Variants in PTPRN2 observed in about 807,000 individuals in gnomAD.
The protein encoded by PTPRN2 is receptor-type tyrosine-protein phosphatase N2.
PTPRN2 carries 74 observed loss-of-function variants against 118.8 expected under a neutral mutation model. The ratio of observed to expected loss-of-function variants is 0.62; its 90% CI spans 0.52 to 0.76. PTPRN2 has a LOEUF of 0.76. PTPRN2 is among the 30% of genes least tolerant of loss of function. PTPRN2 has a pLI of 0.00. For synonymous variants in PTPRN2, 641 were observed against 608.0 expected (o/e 1.05, Z -0.80); for missense variants, 1,481 against 1,394.4 (o/e 1.06, Z -0.99).
intron 1 of PTPRN2, among the ~76,000 whole-genome samples, chr7:158,579,461 C>A (rs1400699849): frequency 6.6e-6 from 1 of 152,188 alleles, no homozygotes; most frequent in Non-Finnish European, 1.5e-5. Context: ...TCAGGTAATC[C>A]TCTCAAAAAC....
chr7:158,301,599 G>T (rs1316784107), intron 3 of PTPRN2, among the ~76,000 whole-genome samples: 1 of 152,194 alleles, frequency 6.6e-6, no homozygotes, highest in South Asian at 2.1e-4. Flanking sequence ...GATAAGCAAA[G>T]TGCATTCACA....
At chr7:158,293,718 C>T (rs956093899) in intron 3 of PTPRN2, among the ~76,000 whole-genome samples, 4 of 151,082 alleles carry the variant, frequency 2.6e-5, no homozygotes, top group African/African-American at 9.8e-5. Flanking sequence ...AAGCTTTTTC[C>T]TATTTACACT....
intron 3 of PTPRN2, among the ~76,000 whole-genome samples, chr7:158,244,652 T>G (rs1278103605): frequency 9.6e-6 from 1 of 103,662 alleles, no homozygotes; most frequent in African/African-American, 4.1e-5. Context: ...GTGATTGTTT[T>G]GTGTGTCAGT....
At chr7:158,395,802 G>C (rs1469604845) in intron 2 of PTPRN2, among the ~76,000 whole-genome samples, 5 of 142,778 alleles carry the variant, frequency 3.5e-5, no homozygotes, top group Non-Finnish European at 6.1e-5. Context: ...GGTGAGGCGC[G>C]AGGGGCGAGG....
chr7:158,465,016 G>A (rs555966906), intron 2 of PTPRN2, among the ~76,000 whole-genome samples: 3 of 152,228 alleles, frequency 2.0e-5, no homozygotes, highest in African/African-American at 7.2e-5. Flanking sequence ...GGATAACACA[G>A]CTAGTTACAG....
chr7:157,546,820 AG>A (rs1362447847), intron 22 of PTPRN2, among the ~76,000 whole-genome samples: 38 of 152,342 alleles, frequency 2.5e-4, no homozygotes, highest in African/African-American at 8.7e-4. Context: ...CACTTCACGA[AG>A]GGTCCTGGGA....
At chr7:157,897,968 G>A (rs1451829441) in intron 12 of PTPRN2, among the ~76,000 whole-genome samples, 2 of 152,280 alleles carry the variant, frequency 1.3e-5, no homozygotes, top group East Asian at 1.9e-4. Context: ...GAGGAGGCGC[G>A]TCCGCGCTCT....
At chr7:157,698,803 C>G (rs995764676) in intron 12 of PTPRN2, among the ~76,000 whole-genome samples, 1 of 152,056 alleles carries the variant, frequency 6.6e-6, no homozygotes, top group Non-Finnish European at 1.5e-5. Flanking sequence ...CCATAAGGCA[C>G]GTATTTAATA....
At chr7:157,749,686 G>GT (rs1311058100) in intron 12 of PTPRN2, among the ~76,000 whole-genome samples, 5 of 142,236 alleles carry the variant, frequency 3.5e-5, no homozygotes, top group Non-Finnish European at 1.5e-5. Flanking sequence ...GCTGCGGGGT[G>GT]TCAGGGTGAT....
At chr7:158,123,091 G>A (rs1413845106) in intron 9 of PTPRN2, among the ~76,000 whole-genome samples, 1 of 152,184 alleles carries the variant, frequency 6.6e-6, no homozygotes, top group East Asian at 1.9e-4. Context: ...GGGAAAATGA[G>A]TCAACTTTGA....
chr7:158,302,356 A>T (rs1168550241), intron 3 of PTPRN2, among the ~76,000 whole-genome samples: 1 of 152,250 alleles, frequency 6.6e-6, no homozygotes, highest in East Asian at 1.9e-4. Flanking sequence ...TGTGGGACAC[A>T]AAGGCCTAGC....
intron 5 of PTPRN2, among the ~76,000 whole-genome samples, chr7:158,171,040 CATACAT>C (rs1823513843): frequency 7.3e-6 from 1 of 137,912 alleles, no homozygotes; most frequent in Non-Finnish European, 1.5e-5. Context: ...TATATATACA[CATACAT>C]ATATATACAC....
rs150293984 is a variant in PTPRN2 at position 157,784,758 on chromosome 7, C to T, written c.1789-101821G>A. ...GGGCCCCCTGGGTCTCGACATTTCA[C>T]CGCAAACCCTGACCCCACACCCGGC... On this transcript the variant is annotated intron_variant, in intron 12 of 22. Transcript: ENST00000389418. The surrounding 1 kb of genome is among the most constrained non-coding windows in gnomAD (Gnocchi z 4.6). Among the ~76,000 whole-genome samples, 248 of 152,250 alleles carry T rather than the reference C, an allele frequency of 1.6e-3. 2 individuals carry two copies. The highest frequency in any genetic ancestry group is 5.1e-3 in the African/African-American group (211 of 41,560).
At chr7:158,120,893 A>G (rs1817113518) in intron 9 of PTPRN2, among the ~76,000 whole-genome samples, 1 of 152,192 alleles carries the variant, frequency 6.6e-6, no homozygotes, top group Non-Finnish European at 1.5e-5. Flanking sequence ...AGCTGGACAG[A>G]GCAATGACCC....
At chr7:157,613,130 G>GTCCCGCC (rs967431140) in intron 15 of PTPRN2, among the ~76,000 whole-genome samples, 2 of 152,160 alleles carry the variant, frequency 1.3e-5, no homozygotes, top group Non-Finnish European at 2.9e-5. Flanking sequence ...CCCGTCTCCA[G>GTCCCGCC]TCCCGCCTCC....
chr7:158,191,334 C>T (rs1314908625), intron 5 of PTPRN2, among the ~76,000 whole-genome samples: 1 of 152,184 alleles, frequency 6.6e-6, no homozygotes, highest in Non-Finnish European at 1.5e-5. Context: ...ACCAGCATGG[C>T]TTCCATCTTA....
rs1795586943 is a variant in PTPRN2 at position 158,236,929 on chromosome 7, C to G, written c.278-31656G>C. On this transcript the variant is annotated intron_variant, in intron 3 of 22. Transcript: ENST00000389418. ...GTTAATCTATGACCTTACCCCCAAC[C>G]CCGTGCTCTGTGAAACATGTGCTGT... Among the ~76,000 whole-genome samples the G allele has an allele frequency of 3.6e-5, 2 of 55,832 alleles. 1 individual carries two copies. The highest frequency in any genetic ancestry group is 6.3e-5 in the Non-Finnish European group (2 of 31,650). The allele number at this position is 55,832 out of a possible 152,430, so 36.6% of individuals were successfully genotyped here. A position where few individuals can be genotyped will look rare whatever the true frequency, so the allele number is the denominator to read the frequency against.
intron 1 of PTPRN2, among the ~76,000 whole-genome samples, chr7:158,523,261 G>A (rs1248253515): frequency 1.3e-5 from 2 of 152,218 alleles, no homozygotes; most frequent in Non-Finnish European, 2.9e-5. Flanking sequence ...AGCAGCCAGA[G>A]TGGTGCAGAC....
At position 158,547,034 on chromosome 7, in the gene PTPRN2, C is replaced by T. The variant is rs142938604; in HGVS notation, c.112+40524G>A. Among the ~76,000 whole-genome samples, 577 of 152,298 alleles carry T rather than the reference C, an allele frequency of 3.8e-3. 2 individuals carry two copies. Among genetic ancestry groups the T allele is most frequent in the Middle Eastern group, 6.8e-3 (2 of 294 alleles). ...GAAGCTCAGACCCAGGCCCTCCTGC[C>T]AGGCAAGGCCCCCGGACTCACTCAC... On this transcript the variant is annotated intron_variant, in intron 1 of 22. Transcript: ENST00000389418.
Sources: gnomAD v4.1 joint callset for allele counts (sites outside exome capture counted in the v4.1 genomes callset) on GRCh38, gnomAD v4.1.1 for gene constraint, Gnocchi (gnomAD v3.1) non-coding constraint, MANE v1.5 for transcripts, NCBI Gene and HGNC (gene_info 2026-07-23, HGNC 2026-07-21) for gene names.